Variants in LRFN5 observed in about 807,000 individuals in gnomAD.
The protein encoded by LRFN5 is leucine rich repeat and fibronectin type III domain containing 5, also known as leucine-rich repeat and fibronectin type-III domain-containing protein 5.
In LRFN5, 24 loss-of-function variants were observed where a neutral mutation model predicts 45.6. The observed-to-expected ratio is 0.53, with a 90% CI of 0.38 to 0.74. The LOEUF is 0.74. LRFN5 is among the 30% of genes least tolerant of loss of function. The probability of loss-of-function intolerance (pLI) is 0.00; values close to 1 mark genes in which losing one functional copy is unlikely to be tolerated. For synonymous variants in LRFN5, 340 were observed against 313.8 expected (o/e 1.08, Z -0.88); for missense variants, 776 against 861.5 (o/e 0.90, Z 1.24).
intron 2 of LRFN5, among the ~76,000 whole-genome samples, chr14:41,832,799 G>A (rs1259279340): frequency 6.6e-6 from 1 of 152,108 alleles, no homozygotes; most frequent in Non-Finnish European, 1.5e-5. Context: ...CTTTTCTCTT[G>A]TGTGAGCTGT....
intron 2 of LRFN5, among the ~76,000 whole-genome samples, chr14:41,878,723 A>C (rs1388917827): frequency 6.6e-6 from 1 of 152,280 alleles, no homozygotes; most frequent in East Asian, 1.9e-4. Context: ...AAATAGACAG[A>C]TCGTGCTTGA....
chr14:41,780,882 C>T (rs974653028), intron 2 of LRFN5, among the ~76,000 whole-genome samples: 12 of 151,970 alleles, frequency 7.9e-5, no homozygotes, highest in African/African-American at 2.9e-4. Flanking sequence ...TATACATTTA[C>T]CATAAATTAT....
Position 41,898,937 on chromosome 14 carries a change from G to A in LRFN5, c.2119G>A (p.Asp707Asn). Residue 707 changes from aspartate to asparagine, a missense_variant, in exon 5 of 6, where the codon GAC becomes AAC. This residue lies in a region of LRFN5 where 465 missense variants were observed against 456.4 expected (regional missense o/e 1.02). Transcript: ENST00000298119. The stretch of plus-strand genomic sequence containing the variant: ...CCCAGATGCTTTGCTGACTAATGTT[G>A]ACCAGATTGTCCAGGAAACACAGGT... ...IKPNALLTNVDQIVQETQRLE... is the reference protein window; with the variant it reads ...IKPNALLTNVNQIVQETQRLE... 2 of 1,611,148 alleles carry A rather than the reference G, an allele frequency of 1.2e-6. No individual in the cohort carries two copies. Among genetic ancestry groups the A allele is most frequent in the South Asian group, 1.1e-5 (1 of 90,598 alleles).
intron 1 of LRFN5, among the ~76,000 whole-genome samples, chr14:41,734,932 C>G: frequency 6.6e-6 from 1 of 152,014 alleles, no homozygotes; most frequent in Non-Finnish European, 1.5e-5. Flanking sequence ...TCCACTTCCC[C>G]TGACAACCAA....
At chr14:41,667,583 A>T (rs1008956489) in intron 1 of LRFN5, among the ~76,000 whole-genome samples, 1 of 152,072 alleles carries the variant, frequency 6.6e-6, no homozygotes, top group Non-Finnish European at 1.5e-5. Context: ...GAATCTATAG[A>T]TTGCTAGTTC....
rs1255294858 is a variant in LRFN5, at chr14:41,704,434, C to CTGTG, written c.-196-62419_-196-62418insGTGT. On this transcript the variant is annotated intron_variant, in intron 1 of 5. Transcript: ENST00000298119. ...TCTCTCTCTCTCTCTCTCTCTCTCT[C>CTGTG]TCTCTCTCTCTCTCTGTGTGTGTGT... 7.1e-3 allele frequency among the ~76,000 whole-genome samples: 307 copies of CTGTG among 43,082 alleles called. 2 individuals are homozygous for CTGTG. The highest frequency in any genetic ancestry group is 0.013 in the Non-Finnish European group (255 of 20,260). The allele number at this position is 43,082 out of a possible 152,430, so 28.3% of individuals were successfully genotyped here.
chr14:41,841,482 A>G (rs972339578), intron 2 of LRFN5, among the ~76,000 whole-genome samples: 1 of 151,916 alleles, frequency 6.6e-6, no homozygotes, highest in Non-Finnish European at 1.5e-5. Context: ...TGGTTATACC[A>G]TTTTGTGTCT....
At chr14:41,696,449 G>T (rs939960825) in intron 1 of LRFN5, among the ~76,000 whole-genome samples, 1 of 148,630 alleles carries the variant, frequency 6.7e-6, no homozygotes, top group Admixed American at 6.8e-5. Flanking sequence ...TTGTATATTC[G>T]TATAGAGCCA....
intron 2 of LRFN5, among the ~76,000 whole-genome samples, chr14:41,861,390 T>A (rs1321783633): frequency 6.6e-6 from 1 of 152,230 alleles, no homozygotes; most frequent in Non-Finnish European, 1.5e-5. Flanking sequence ...TTTATATGCT[T>A]ATTATATCAT....
At chr14:41,610,344 T>C (rs1026108784) in intron 1 of LRFN5, among the ~76,000 whole-genome samples, 22 of 152,180 alleles carry the variant, frequency 1.4e-4, no homozygotes, top group African/African-American at 5.3e-4. Flanking sequence ...TACTGCATGA[T>C]TTATCAGGAT....
At chr14:41,780,060 A>G (rs1411020729) in intron 2 of LRFN5, among the ~76,000 whole-genome samples, 1 of 151,736 alleles carries the variant, frequency 6.6e-6, no homozygotes, top group Non-Finnish European at 1.5e-5. Flanking sequence ...CTTTTTTTCT[A>G]ATATATGTAT....
At chr14:41,793,439 C>A (rs1887006400) in intron 2 of LRFN5, among the ~76,000 whole-genome samples, 2 of 152,052 alleles carry the variant, frequency 1.3e-5, no homozygotes, top group South Asian at 4.1e-4. Context: ...AATATTGTAA[C>A]TTTTGGAATA....
intron 2 of LRFN5, among the ~76,000 whole-genome samples, chr14:41,825,272 A>G (rs1462922172): frequency 6.6e-6 from 1 of 152,036 alleles, no homozygotes; most frequent in East Asian, 1.9e-4. Flanking sequence ...TGGGAGAGGA[A>G]CCCTAGAGGG....
At chr14:41,894,872 TTTA>T (rs1890890009) in intron 4 of LRFN5, 1 of 982,636 alleles carries the variant, frequency 1.0e-6, no homozygotes, top group Admixed American at 6.2e-5. Flanking sequence ...CTTTCTGTCA[TTTA>T]TTATTTTATT....
At chr14:41,791,185 T>A (rs952769158) in intron 2 of LRFN5, among the ~76,000 whole-genome samples, 6 of 151,996 alleles carry the variant, frequency 3.9e-5, no homozygotes, top group Non-Finnish European at 5.9e-5. Context: ...GTGTTTTTTT[T>A]AAAAAAAGTA....
At chr14:41,669,027 C>G (rs1227548461) in intron 1 of LRFN5, among the ~76,000 whole-genome samples, 1 of 152,000 alleles carries the variant, frequency 6.6e-6, no homozygotes, top group Non-Finnish European at 1.5e-5. Context: ...ATAATCTTGG[C>G]AGCTATGTAA....
intron 1 of LRFN5, among the ~76,000 whole-genome samples, chr14:41,692,248 ATTAT>A (rs1020383994): frequency 9.9e-5 from 15 of 152,092 alleles, no homozygotes; most frequent in African/African-American, 2.9e-4. Flanking sequence ...ACTATTTGTC[ATTAT>A]TTTTCTTTAA....
chr14:41,636,547 T>C (rs1488426202), intron 1 of LRFN5, among the ~76,000 whole-genome samples: 3 of 151,852 alleles, frequency 2.0e-5, no homozygotes, highest in Non-Finnish European at 4.4e-5. Context: ...AGCACCAACA[T>C]GGCACATGTA....
chr14:41,804,290 G>A (rs1400365809), intron 2 of LRFN5, among the ~76,000 whole-genome samples: 1 of 152,054 alleles, frequency 6.6e-6, no homozygotes, highest in Non-Finnish European at 1.5e-5. Context: ...AATCATAGGG[G>A]TGTAGAAAAT....
Sources: gnomAD v4.1 joint callset for allele counts (sites outside exome capture counted in the v4.1 genomes callset) on GRCh38, gnomAD v4.1.1 for gene constraint, gnomAD v4.1.1 regional missense constraint, MANE v1.5 for transcripts, NCBI Gene and HGNC (gene_info 2026-07-23, HGNC 2026-07-21) for gene names.